Variants in CDH23 observed in about 807,000 individuals in gnomAD.
The protein encoded by CDH23 is cadherin-23.
CDH23 carries 189 observed loss-of-function variants against 317.1 expected under a neutral mutation model. The observed-to-expected ratio is 0.60, with a 90% CI of 0.53 to 0.67. CDH23 has a LOEUF of 0.67. Among genes scored for constraint, CDH23 ranks in the 30% least tolerant of loss-of-function variants. The probability of loss-of-function intolerance (pLI) is 0.00; values close to 1 mark genes in which losing one functional copy is unlikely to be tolerated. For synonymous variants in CDH23, 1,839 were observed against 1,876.8 expected (o/e 0.98, Z 0.52); for missense variants, 4,401 against 4,592.4 (o/e 0.96, Z 1.20).
intron 47 of CDH23, among the ~76,000 whole-genome samples, 154 bp downstream of exon 47, chr10:71,791,489 G>C (rs1004960520): frequency 6.6e-6 from 1 of 152,178 alleles, no homozygotes; most frequent in African/African-American, 2.4e-5. Context: ...GGAGTCAGGA[G>C]ACCTGGGCCC....
chr10:71,663,137 T>C (rs1863747160), intron 14 of CDH23, among the ~76,000 whole-genome samples: 2 of 152,238 alleles, frequency 1.3e-5, no homozygotes, highest in South Asian at 4.1e-4. Context: ...AAGGTCACAT[T>C]TGTGGGTCCC....
chr10:71,544,298 G>A (rs915627108), intron 6 of CDH23, among the ~76,000 whole-genome samples: 3 of 152,216 alleles, frequency 2.0e-5, no homozygotes, highest in Non-Finnish European at 4.4e-5. Flanking sequence ...TGGACCGAGA[G>A]AGTGGGCGGA....
At chr10:71,420,879 AC>A (rs1372818038) in intron 1 of CDH23, among the ~76,000 whole-genome samples, 1 of 151,690 alleles carries the variant, frequency 6.6e-6, no homozygotes, top group African/African-American at 2.4e-5. Flanking sequence ...TCCGGAAGGT[AC>A]CCCCCGTCGC....
At position 71,694,269 on chromosome 10, in the gene CDH23, C is replaced by A; in HGVS notation, c.2289+10C>A. On this transcript the variant is annotated intron_variant, in intron 21 of 69. Transcript: ENST00000224721. ...AACTGGCATCGCCACCGTGAGTGCG[C>A]TCCCCTCCCGTGCCCCAGCTCCCCC... The A allele has an allele frequency of 6.2e-7, 1 of 1,602,242 alleles. No individual in the cohort carries two copies. The highest frequency in any genetic ancestry group is 1.1e-5 in the South Asian group (1 of 90,652).
At chr10:71,468,218 G>A (rs57070143) in intron 3 of CDH23, among the ~76,000 whole-genome samples, 8,777 of 152,274 alleles carry the variant, frequency 0.058, 583 homozygotes, top group African/African-American at 0.16. Flanking sequence ...TGGCAGGAAA[G>A]AGTATGAAAA....
intron 14 of CDH23, among the ~76,000 whole-genome samples, chr10:71,656,076 C>T (rs1187723539): frequency 6.6e-6 from 1 of 152,162 alleles, no homozygotes; most frequent in African/African-American, 2.4e-5. Context: ...AGAAGATGGG[C>T]TGGAGGCCTT....
intron 1 of CDH23, among the ~76,000 whole-genome samples, chr10:71,432,457 G>A (rs752120334): frequency 6.6e-6 from 1 of 150,414 alleles, no homozygotes; most frequent in Non-Finnish European, 1.5e-5. Flanking sequence ...GTGTGTGAGA[G>A]CATGTGAGTG....
intron 38 of CDH23, chr10:71,761,973 C>T (rs149997496): frequency 6.2e-6 from 10 of 1,613,598 alleles, no homozygotes; most frequent in Admixed American, 1.7e-5. Context: ...TTCTGCCCCT[C>T]GGGACAGACA....
intron 38 of CDH23, among the ~76,000 whole-genome samples, chr10:71,756,325 C>T (rs1840146731): frequency 1.3e-5 from 2 of 152,302 alleles, no homozygotes; most frequent in East Asian, 3.9e-4. Context: ...CTGAGCACAG[C>T]TTGGACATCT....
intron 16 of CDH23, among the ~76,000 whole-genome samples, chr10:71,678,974 T>C (rs749312994): frequency 1.7e-4 from 25 of 150,086 alleles, no homozygotes; most frequent in Admixed American, 3.3e-4. Context: ...AGGGGACCAA[T>C]GGGGTATGCA....
At chr10:71,774,929 C>T (rs572495806) in intron 38 of CDH23, among the ~76,000 whole-genome samples, 3 of 152,284 alleles carry the variant, frequency 2.0e-5, no homozygotes, top group Non-Finnish European at 4.4e-5. Flanking sequence ...GCCCTTAGCC[C>T]TTGCTCTAAG....
In CDH23 at chr10:71,815,080, G is replaced by C; in HGVS notation, c.9867G>C (p.Thr3289=). 1 of 1,611,318 alleles carries C rather than the reference G, an allele frequency of 6.2e-7. No individual in the cohort carries two copies. Residue 3289 remains threonine, a synonymous_variant, in exon 70 of 70, where the codon ACG becomes ACC. Coordinates refer to ENST00000224721, the MANE Select transcript of CDH23 (RefSeq NM_022124.6). The stretch of plus-strand genomic sequence containing the variant: ...GGATCCATGTGGTGCACGGCAGCAC[G>C]GGCACGCTGCTGGCCACCGACCTCA... The part of the protein sequence containing the change: ...PDGIHVVHGS[T]GTLLATDLNS...
At chr10:71,669,320 C>T (rs1226234153) in intron 14 of CDH23, among the ~76,000 whole-genome samples, 1 of 152,216 alleles carries the variant, frequency 6.6e-6, no homozygotes, top group African/African-American at 2.4e-5. Context: ...CAGGATGAAT[C>T]TTTCTAAGCC....
chr10:71,521,498 C>T (rs1854679809), intron 6 of CDH23, among the ~76,000 whole-genome samples: 1 of 152,222 alleles, frequency 6.6e-6, no homozygotes, highest in African/African-American at 2.4e-5. Flanking sequence ...TATCCCAATA[C>T]CAAGTGGTCA....
At position 71,543,359 on chromosome 10, in the gene CDH23, G is replaced by A. The variant is rs113047575; in HGVS notation, c.430-23383G>A. ...CCTTGCTGTAGTAGACCTGAGGATG[G>A]GGACAGCTCCCCTCTCTCCTTACCC... is the stretch of plus-strand genomic sequence containing the variant. On this transcript the variant is annotated intron_variant, in intron 6 of 69. Coordinates refer to ENST00000224721, the MANE Select transcript of CDH23 (RefSeq NM_022124.6). Among the ~76,000 whole-genome samples, 1,490 of 152,284 alleles carry A rather than the reference G, an allele frequency of 9.8e-3. 24 individuals carry two copies. The highest frequency in any genetic ancestry group is 0.034 in the African/African-American group (1,420 of 41,560).
At chr10:71,629,459 A>C (rs1282763429) in intron 11 of CDH23, among the ~76,000 whole-genome samples, 1 of 152,016 alleles carries the variant, frequency 6.6e-6, no homozygotes, top group Non-Finnish European at 1.5e-5. Flanking sequence ...CTGGGAGGGG[A>C]GGTCAGAGAG....
chr10:71,706,626 T>A (rs545073399), intron 25 of CDH23, among the ~76,000 whole-genome samples: 1 of 152,342 alleles, frequency 6.6e-6, no homozygotes, highest in South Asian at 2.1e-4. Flanking sequence ...TAAGGTTTTC[T>A]CTCCTCCCTT....
intron 1 of CDH23, among the ~76,000 whole-genome samples, chr10:71,428,941 G>A (rs536833356): frequency 6.6e-6 from 1 of 152,264 alleles, no homozygotes; most frequent in African/African-American, 2.4e-5. Context: ...GAATTGGGTT[G>A]TTTGTTTTGA....
chr10:71,755,170 C>A, intron 38 of CDH23: 2 of 686,692 alleles, frequency 2.9e-6, no homozygotes, highest in Non-Finnish European at 5.2e-6. Context: ...ACTTGGCCCC[C>A]GGAAATGGCA....
Sources: allele counts gnomAD v4.1 joint callset (sites outside exome capture counted in the v4.1 genomes callset), GRCh38; gene constraint gnomAD v4.1.1; transcripts MANE v1.5; gene names NCBI Gene and HGNC (gene_info 2026-07-23, HGNC 2026-07-21).